SEPTIN10: variants seen among roughly 807,000 people sequenced by gnomAD.
SEPTIN10 encodes septin-10.
A neutral mutation model predicts 54.8 loss-of-function variants in SEPTIN10; 66 were observed. That is an observed-to-expected ratio of 1.21 (90% CI 0.99 to 1.48). The LOEUF (loss-of-function observed/expected upper bound fraction) is 1.48, where lower values mean the gene tolerates loss of function less well. SEPTIN10 is among the 40% of genes most tolerant of loss of function. The pLI, the probability that SEPTIN10 is intolerant of heterozygous loss-of-function variation, is 0.00. For missense variants in SEPTIN10, 620 were observed against 545.6 expected, an observed-to-expected ratio of 1.14 and a Z score of -1.36; for synonymous variants, 161 against 181.0, an observed-to-expected ratio of 0.89 and a Z score of 0.89.
chr2:109,586,207 A>G (rs1420016975), intron 2 of SEPTIN10, among the ~76,000 whole-genome samples: 1 of 152,246 alleles, frequency 6.6e-6, no homozygotes, highest in Non-Finnish European at 1.5e-5. Flanking sequence ...TCAAGTGAAA[A>G]AAAAGCACAA....
intron 5 of SEPTIN10, among the ~76,000 whole-genome samples, chr2:109,573,520 G>C (rs888757885): frequency 5.3e-5 from 8 of 152,222 alleles, no homozygotes; most frequent in African/African-American, 1.9e-4. Context: ...TAAAACCAGG[G>C]GACCAAGCAA....
chr2:109,581,785 A>G (rs1178279151), intron 4 of SEPTIN10, among the ~76,000 whole-genome samples: 1 of 152,230 alleles, frequency 6.6e-6, no homozygotes, highest in Non-Finnish European at 1.5e-5. Context: ...GCCTGAGCTC[A>G]CCATTCTTAT....
intron 6 of SEPTIN10, among the ~76,000 whole-genome samples, chr2:109,567,463 C>G (rs28374561): frequency 1.1e-4 from 16 of 152,046 alleles, no homozygotes; most frequent in African/African-American, 3.6e-4. Flanking sequence ...TTACAGCATG[C>G]AAAGGGAGGC....
intron 8 of SEPTIN10, among the ~76,000 whole-genome samples, chr2:109,563,610 G>T (rs762696317): frequency 2.0e-5 from 3 of 152,248 alleles, no homozygotes; most frequent in Middle Eastern, 3.4e-3. Context: ...AATTACCAAG[G>T]AAGTTTCTAC....
At chr2:109,548,511 T>G (rs980142179) in intron 9 of SEPTIN10, among the ~76,000 whole-genome samples, 4 of 152,132 alleles carry the variant, frequency 2.6e-5, no homozygotes, top group Non-Finnish European at 5.9e-5. Context: ...GACACCAAGT[T>G]GTCTAGAAAG....
chr2:109,561,267 C>A (rs1386441873), intron 8 of SEPTIN10, among the ~76,000 whole-genome samples: 3 of 152,060 alleles, frequency 2.0e-5, no homozygotes, highest in Admixed American at 6.6e-5. Flanking sequence ...TCTGTTTTCC[C>A]CAAGTTACTA....
rs141374882 is a variant in SEPTIN10, at chr2:109,613,517, T to C, written c.30+281A>G. ...CACAAACACCGCTGTGGATGTAACT[T>C]TTGGCAAAGACCGGGAAGTCGTTCA... On this transcript the variant is annotated intron_variant, in intron 1 of 10. Coordinates refer to ENST00000397712, the MANE Select transcript of SEPTIN10 (RefSeq NM_144710.5). The C allele has an allele frequency of 5.6e-3, 1,315 of 234,196 alleles. 7 individuals carry two copies. Among genetic ancestry groups the C allele is most frequent in the Non-Finnish European group, 7.4e-3 (896 of 120,634 alleles). 14.5% of individuals were successfully genotyped at this position (234,196 alleles called of 1,614,324 possible). A position where few individuals can be genotyped will look rare whatever the true frequency, so the allele number is the denominator to read the frequency against.
At chr2:109,544,558 C>G (rs1402931620) in intron 10 of SEPTIN10, 20 of 944,496 alleles carry the variant, frequency 2.1e-5, no homozygotes, top group Non-Finnish European at 2.5e-5. Flanking sequence ...TCAAGTGGAG[C>G]AGGGTGATAA....
chr2:109,596,369 G>C (rs1000250726), intron 1 of SEPTIN10, among the ~76,000 whole-genome samples: 15 of 152,134 alleles, frequency 9.9e-5, no homozygotes, highest in Non-Finnish European at 2.2e-4. Flanking sequence ...TGTAATTCCA[G>C]CAGTTTGGGA....
intron 9 of SEPTIN10, among the ~76,000 whole-genome samples, chr2:109,547,913 T>C (rs1166817066): frequency 6.6e-6 from 1 of 152,156 alleles, no homozygotes; most frequent in African/African-American, 2.4e-5. Flanking sequence ...CTGTTACAGG[T>C]GCAAAAGAGA....
intron 1 of SEPTIN10, among the ~76,000 whole-genome samples, chr2:109,595,477 T>C (rs1695119413): frequency 6.6e-6 from 1 of 152,094 alleles, no homozygotes; most frequent in African/African-American, 2.4e-5. Flanking sequence ...CTAAGCAGTA[T>C]CACGTCCCTC....
At chr2:109,587,250 A>G (rs149586158) in intron 2 of SEPTIN10, among the ~76,000 whole-genome samples, 85 of 152,312 alleles carry the variant, frequency 5.6e-4, no homozygotes, top group Middle Eastern at 6.8e-3. Context: ...CTGAAGTAAA[A>G]AATATATTTA....
chr2:109,605,432 T>C (rs1487234670), intron 1 of SEPTIN10: 4 of 152,122 alleles, frequency 2.6e-5, no homozygotes, highest in Non-Finnish European at 4.4e-5. Context: ...ATCGTACCAC[T>C]GCACTCTACT....
chr2:109,585,743 G>A lies in SEPTIN10; in HGVS notation c.195C>T (p.Phe65=), dbSNP rs753621225. Residue 65 remains phenylalanine (F), a synonymous_variant, in exon 3 of 11, where the codon TTC becomes TTT. Coordinates refer to ENST00000397712, the MANE Select transcript of SEPTIN10 (RefSeq NM_144710.5). ...TACCCACACAGAGAATATTAAAGCA[G>A]AAACCTTGCTGAATGGATCTGTTCA... ...QLVNRSIQQG[F]CFNILCVGET... The A allele has an allele frequency of 5.6e-6, 9 of 1,613,044 alleles. No individual in the cohort carries two copies. Among genetic ancestry groups the A allele is most frequent in the Non-Finnish European group, 7.6e-6 (9 of 1,179,702 alleles).
At chr2:109,593,947 A>C (rs1285207577) in intron 1 of SEPTIN10, among the ~76,000 whole-genome samples, 1 of 152,196 alleles carries the variant, frequency 6.6e-6, no homozygotes, top group South Asian at 2.1e-4. Context: ...AATCCTTACA[A>C]TACATCTGAG....
At chr2:109,585,905 G>T in intron 2 of SEPTIN10, 67 bp from the exon 3 acceptor site, 2 of 1,169,178 alleles carry the variant, frequency 1.7e-6, no homozygotes, top group South Asian at 1.3e-5. Flanking sequence ...TAGGATGTAG[G>T]CACACTTGAA....
intron 5 of SEPTIN10, among the ~76,000 whole-genome samples, chr2:109,572,025 A>G (rs935345444): frequency 4.6e-5 from 7 of 152,260 alleles, no homozygotes; most frequent in Non-Finnish European, 8.8e-5. Flanking sequence ...CACAACAGTA[A>G]CAGAGGTGCT....
intron 1 of SEPTIN10, chr2:109,594,645 G>A (rs1694888572): frequency 6.6e-6 from 1 of 152,196 alleles, no homozygotes; most frequent in Non-Finnish European, 1.5e-5. Flanking sequence ...TGCAACAAAC[G>A]GCATTGCAAT....
chr2:109,593,270 G>A (rs1380574442), intron 1 of SEPTIN10, among the ~76,000 whole-genome samples, 151 bp from the exon 2 acceptor site: 2 of 152,158 alleles, frequency 1.3e-5, no homozygotes, highest in East Asian at 3.8e-4. Context: ...AATCGTGTTT[G>A]AAATTGTGGC....
Sources: gnomAD v4.1 joint callset for allele counts (sites outside exome capture counted in the v4.1 genomes callset) on GRCh38, gnomAD v4.1.1 for gene constraint, MANE v1.5 for transcripts, NCBI Gene and HGNC (gene_info 2026-07-23, HGNC 2026-07-21) for gene names.